Variants in MAN1A1 observed in about 807,000 individuals in gnomAD.
MAN1A1 encodes the protein mannosidase alpha class 1A member 1.
Under a neutral mutation model 70.8 loss-of-function variants are expected in MAN1A1, and 29 were observed. The ratio of observed to expected loss-of-function variants is 0.41; its 90% CI spans 0.31 to 0.56. MAN1A1 has a LOEUF of 0.56. Among genes scored for constraint, MAN1A1 ranks in the 20% least tolerant of loss-of-function variants. The probability of loss-of-function intolerance (pLI) is 0.29; values close to 1 mark genes in which losing one functional copy is unlikely to be tolerated. For synonymous variants in MAN1A1, 349 were observed against 330.1 expected (o/e 1.06, Z -0.62); for missense variants, 747 against 841.3 (o/e 0.89, Z 1.39).
In MAN1A1 at chr6:119,213,375, A is replaced by G. The variant is rs185480415; in HGVS notation, c.993-8493T>C. The stretch of plus-strand genomic sequence containing the variant: ...GGAGGTTGTTGGATGCTGTGTTATG[A>G]AACACTTTGGCATCTAAAATTTTAA... On this transcript the variant is annotated intron_variant, in intron 6 of 12. Coordinates refer to ENST00000368468, the MANE Select transcript of MAN1A1 (RefSeq NM_005907.4). Among the ~76,000 whole-genome samples, 60 of 152,342 alleles carry G rather than the reference A, an allele frequency of 3.9e-4. No homozygotes were observed. In the East Asian group the frequency reaches 0.011, roughly 29 times the overall value.
At chr6:119,209,017 C>A (rs1259443687) in intron 6 of MAN1A1, among the ~76,000 whole-genome samples, 2 of 148,026 alleles carry the variant, frequency 1.4e-5, no homozygotes, top group African/African-American at 5.0e-5. Context: ...ATCACTTGAG[C>A]CTGGGAGGTG....
chr6:119,267,897 T>C (rs1003249684), intron 5 of MAN1A1, among the ~76,000 whole-genome samples: 2 of 152,242 alleles, frequency 1.3e-5, no homozygotes, highest in African/African-American at 4.8e-5. Context: ...TTATTTGAAC[T>C]GTGGGAGACT....
At chr6:119,327,384 T>G (rs1439687828) in intron 2 of MAN1A1, 1 of 120,632 alleles carries the variant, frequency 8.3e-6, no homozygotes, top group Non-Finnish European at 1.9e-5. Flanking sequence ...TTCCGTTTTT[T>G]TTTTTTGTTT....
rs1773103437 is a variant in MAN1A1, at chr6:119,179,915, A to G, written c.1866T>C (p.Asp622=). Residue 622 remains aspartate (D), a synonymous_variant, in exon 13 of 13, where the codon GAT becomes GAC. Coordinates refer to ENST00000368468, the MANE Select transcript of MAN1A1 (RefSeq NM_005907.4). ...KYLYLIFSDD[D]LLPLEHWIFN... is the part of the protein sequence containing the mutation. The stretch of plus-strand genomic sequence containing the variant: ...AGATCCAATGCTCCAGTGGAAGAAG[A>G]TCGTCGTCAGAAAATATTAGGTACA... The G allele has an allele frequency of 6.2e-7, 1 of 1,613,634 alleles. No individual in the cohort carries two copies. The highest frequency in any genetic ancestry group is 8.5e-7 in the Non-Finnish European group (1 of 1,179,708).
At chr6:119,196,547 C>T (rs1176686935) in intron 8 of MAN1A1, among the ~76,000 whole-genome samples, 1 of 152,114 alleles carries the variant, frequency 6.6e-6, no homozygotes. Flanking sequence ...TTATGTCCAA[C>T]TGCTCTAAAG....
At position 119,239,407 on chromosome 6, in the gene MAN1A1, C is replaced by T. The variant is rs1582725937; in HGVS notation, c.992+8853G>A. ...AACTGCAATTAATAATTCTTCATCC[C>T]ATTTTTCAGAACATATCAACTATAA... On this transcript the variant is annotated intron_variant, in intron 6 of 12. Transcript: ENST00000368468. 4.6e-5 allele frequency among the ~76,000 whole-genome samples: 7 copies of T among 152,246 alleles called. 1 individual carries two copies. The South Asian group carries it at 1.5e-3, about 32-fold the overall frequency.
chr6:119,303,700 A>C (rs1772454699), intron 3 of MAN1A1, among the ~76,000 whole-genome samples: 1 of 152,168 alleles, frequency 6.6e-6, no homozygotes, highest in Non-Finnish European at 1.5e-5. Flanking sequence ...GACTACCTCA[A>C]GGCAGTTAGT....
chr6:119,233,270 T>C (rs1483147247), intron 6 of MAN1A1, among the ~76,000 whole-genome samples: 1 of 152,336 alleles, frequency 6.6e-6, no homozygotes, highest in African/African-American at 2.4e-5. Flanking sequence ...AGAAAACCTC[T>C]TTATCTAATC....
intron 6 of MAN1A1, among the ~76,000 whole-genome samples, chr6:119,214,777 A>G (rs565517223): frequency 6.6e-6 from 1 of 152,314 alleles, no homozygotes; most frequent in South Asian, 2.1e-4. Flanking sequence ...AAGTGCTGAG[A>G]TTACAGGCAT....
intron 9 of MAN1A1, among the ~76,000 whole-genome samples, chr6:119,191,631 G>A (rs1244718082): frequency 6.6e-6 from 1 of 152,194 alleles, no homozygotes; most frequent in Non-Finnish European, 1.5e-5. Context: ...AATCGTAAGT[G>A]TCTGATATGT....
chr6:119,309,506 A>T (rs1029427897), intron 2 of MAN1A1, among the ~76,000 whole-genome samples: 5 of 152,220 alleles, frequency 3.3e-5, no homozygotes, highest in African/African-American at 1.2e-4. Flanking sequence ...ACTACTAACA[A>T]GGACAGAATT....
intron 2 of MAN1A1, among the ~76,000 whole-genome samples, chr6:119,334,241 T>A (rs992985678): frequency 6.6e-6 from 1 of 152,168 alleles, no homozygotes; most frequent in Non-Finnish European, 1.5e-5. Flanking sequence ...GATTGAAAAA[T>A]ATAGACCTAG....
chr6:119,202,569 A>G (rs145460973), intron 7 of MAN1A1, among the ~76,000 whole-genome samples: 2,023 of 152,324 alleles, frequency 0.013, 42 homozygotes, highest in African/African-American at 0.046. Context: ...TGTACTGTAC[A>G]TAATTATATG....
At chr6:119,341,954 G>C (rs1388612620) in intron 2 of MAN1A1, among the ~76,000 whole-genome samples, 3 of 152,160 alleles carry the variant, frequency 2.0e-5, no homozygotes, top group Non-Finnish European at 4.4e-5. Context: ...GATCTGCATT[G>C]TGTAAATAAA....
At chr6:119,193,041 G>T (rs926819218) in intron 9 of MAN1A1, among the ~76,000 whole-genome samples, 1 of 152,018 alleles carries the variant, frequency 6.6e-6, no homozygotes, top group Non-Finnish European at 1.5e-5. Flanking sequence ...AATCCACAGT[G>T]GATGAGTTAA....
chr6:119,296,201 C>A (rs1487922109), intron 4 of MAN1A1, among the ~76,000 whole-genome samples: 1 of 152,168 alleles, frequency 6.6e-6, no homozygotes, highest in Non-Finnish European at 1.5e-5. Flanking sequence ...CGTGACAAAT[C>A]TCTTAAGACT....
At chr6:119,214,658 C>T (rs1353505612) in intron 6 of MAN1A1, among the ~76,000 whole-genome samples, 1 of 152,060 alleles carries the variant, frequency 6.6e-6, no homozygotes, top group African/African-American at 2.4e-5. Flanking sequence ...GCGCATACCA[C>T]CACGGCTGGC....
chr6:119,301,861 T>A lies in MAN1A1; in HGVS notation c.816+127A>T, dbSNP rs188675028. 9.2e-4 allele frequency: 549 copies of A among 594,564 alleles called. 4 individuals are homozygous for A. Among genetic ancestry groups the A allele is most frequent in the Non-Finnish European group, 7.5e-5 (25 of 332,586 alleles). 36.8% of individuals were successfully genotyped at this position (594,564 alleles called of 1,614,324 possible). ...AAGAATATAGTATAAGATAATAGTA[T>A]TTGTACTACCTAAAGTTGCAATATT... is the stretch of plus-strand genomic sequence containing the variant. On this transcript the variant is annotated intron_variant, in intron 4 of 12. Transcript: ENST00000368468.
At position 119,349,755 on chromosome 6, in the gene MAN1A1, GA is replaced by G; in HGVS notation, c.-437del. The G allele has an allele frequency of 1.0e-6, 1 of 985,496 alleles. No individual in the cohort carries two copies. The highest frequency in any genetic ancestry group is 1.2e-6 in the Non-Finnish European group (1 of 829,956). 61.0% of individuals were successfully genotyped at this position (985,496 alleles called of 1,614,324 possible). On this transcript the variant is annotated 5_prime_UTR_variant, in exon 1 of 13. Coordinates refer to ENST00000368468, the MANE Select transcript of MAN1A1 (RefSeq NM_005907.4). ...ACGGTACACTCCGCCGCGGCCCCGCGAGCACTAATCTCACTGCCGGTCTTGG... is the reference window on the plus strand; with the variant it reads ...ACGGTACACTCCGCCGCGGCCCCGCGGCACTAATCTCACTGCCGGTCTTGG...
Sources: allele counts gnomAD v4.1 joint callset (sites outside exome capture counted in the v4.1 genomes callset), GRCh38; gene constraint gnomAD v4.1.1; transcripts MANE v1.5; gene names NCBI Gene and HGNC (gene_info 2026-07-23, HGNC 2026-07-21).